Variants in ROBO2 observed in about 807,000 individuals in gnomAD.
The protein encoded by ROBO2 is roundabout homolog 2.
In ROBO2, 53 loss-of-function variants were observed where a neutral mutation model predicts 160.8. The observed-to-expected ratio is 0.33, with a 90% confidence interval of 0.26 to 0.41. ROBO2 has a LOEUF of 0.41. Among genes scored for constraint, ROBO2 ranks in the 10% least tolerant of loss-of-function variants. ROBO2 has a pLI of 1.00. For missense variants in ROBO2, 1,577 were observed against 1,722.4 expected (o/e 0.92, Z 1.49); for synonymous variants, 664 against 611.7 (o/e 1.09, Z -1.26).
chr3:76,860,318 C>CA lies in ROBO2; in HGVS notation c.110-237690dup, dbSNP rs550350439. Among the ~76,000 whole-genome samples the CA allele has an allele frequency of 1.8e-4, 27 of 152,128 alleles. No homozygotes were observed. The East Asian group carries it at 3.7e-3, about 21-fold the overall frequency. Reference sequence around the variant, plus strand: ...GCCTTCTAATTTCAAATTTTCACCACAAAAAATGTTTTCGTAGGGCATTTT... The same window carrying CA: ...GCCTTCTAATTTCAAATTTTCACCACAAAAAAATGTTTTCGTAGGGCATTTT... On this transcript the variant is annotated intron_variant, in intron 2 of 26. Transcript: ENST00000487694.
intron 2 of ROBO2, among the ~76,000 whole-genome samples, chr3:76,184,948 G>A (rs4856012): frequency 0.022 from 3,272 of 151,656 alleles, 208 homozygotes; most frequent in East Asian, 0.2. Context: ...TTCCCACATC[G>A]ATGGTGGCTC....
At chr3:77,645,054 C>G in intron 25 of ROBO2, 150 bp downstream of exon 27, 1 of 757,486 alleles carries the variant, frequency 1.3e-6, no homozygotes. Flanking sequence ...TTGGTCATAA[C>G]TTAGGCCATT....
intron 2 of ROBO2, among the ~76,000 whole-genome samples, chr3:76,716,335 C>T (rs948818638): frequency 6.6e-6 from 1 of 152,108 alleles, no homozygotes; most frequent in East Asian, 1.9e-4. Flanking sequence ...TTGAGCTTAA[C>T]CCCCCAAAAG....
At chr3:76,124,080 A>C (rs1484463315) in intron 2 of ROBO2, among the ~76,000 whole-genome samples, 2 of 149,810 alleles carry the variant, frequency 1.3e-5, no homozygotes, top group Non-Finnish European at 3.0e-5. Flanking sequence ...TTAAAAAAAC[A>C]CTAGTATTGA....
intron 1 of ROBO2, among the ~76,000 whole-genome samples, chr3:77,052,322 G>T (rs987671510): frequency 1.3e-5 from 2 of 152,122 alleles, no homozygotes; most frequent in African/African-American, 4.8e-5. Context: ...AGCCTGAGGG[G>T]ATGAGGGTTG....
chr3:76,401,667 T>C (rs988610864), intron 2 of ROBO2, among the ~76,000 whole-genome samples: 2 of 151,432 alleles, frequency 1.3e-5, no homozygotes, highest in Non-Finnish European at 3.0e-5. Context: ...ACAATAAATT[T>C]ATGGTACAGA....
intron 2 of ROBO2, among the ~76,000 whole-genome samples, chr3:76,327,797 T>C (rs1329657317): frequency 6.6e-6 from 1 of 152,192 alleles, no homozygotes; most frequent in East Asian, 1.9e-4. Context: ...AGTCTGGATG[T>C]CATGCTTTTT....
intron 2 of ROBO2, among the ~76,000 whole-genome samples, chr3:76,296,461 C>T (rs1709080358): frequency 6.6e-6 from 1 of 152,008 alleles, no homozygotes; most frequent in Non-Finnish European, 1.5e-5. Flanking sequence ...GAGAATCCTA[C>T]CTATCACCAG....
At chr3:77,074,585 G>C (rs2067755643) in intron 1 of ROBO2, among the ~76,000 whole-genome samples, 1 of 152,118 alleles carries the variant, frequency 6.6e-6, no homozygotes, top group Non-Finnish European at 1.5e-5. Context: ...GTTCAATTTA[G>C]AAAAAGTTAT....
At chr3:76,283,152 A>ATATAT (rs1198566368) in intron 2 of ROBO2, among the ~76,000 whole-genome samples, 2 of 130,970 alleles carry the variant, frequency 1.5e-5, no homozygotes, top group African/African-American at 2.7e-5. Flanking sequence ...ATATATATAT[A>ATATAT]AAACTACATA....
At position 77,606,340 on chromosome 3, in the gene ROBO2, T is replaced by C. The variant is rs75753214; in HGVS notation, c.3137-1458T>C. 4.6e-4 allele frequency among the ~76,000 whole-genome samples: 70 copies of C among 152,296 alleles called. No individual in the cohort carries two copies. The South Asian group carries it at 7.0e-3, about 15-fold the overall frequency. ...AAAAAGTAGTAACTTTATATCTGTT[T>C]TACATGTGCAAAAATGTAGGCAGTA... On this transcript the variant is annotated intron_variant, in intron 20 of 25. Coordinates refer to ENST00000461745, the Ensembl canonical transcript of ROBO2.
chr3:76,458,516 C>T, intron 2 of ROBO2, among the ~76,000 whole-genome samples: 1 of 152,116 alleles, frequency 6.6e-6, no homozygotes, highest in East Asian at 1.9e-4. Flanking sequence ...TCTTCTTAGC[C>T]CTGCAAACTG....
chr3:76,460,205 C>T (rs1217733803), intron 2 of ROBO2, among the ~76,000 whole-genome samples: 1 of 151,364 alleles, frequency 6.6e-6, no homozygotes, highest in African/African-American at 2.4e-5. Context: ...TAATTTACCC[C>T]AAGATTTAAC....
rs78057971 is a variant in ROBO2, at chr3:77,576,465, T to C, written c.2204-1025T>C. On this transcript the variant is annotated intron_variant, in intron 14 of 25. Coordinates refer to ENST00000461745, the Ensembl canonical transcript of ROBO2. ...CACCAAATTATTTGATATTTTAAAC[T>C]GTTAAGAACGATGTTATGTAATACT... 2.0e-5 allele frequency among the ~76,000 whole-genome samples: 3 copies of C among 152,176 alleles called. No individual in the cohort carries two copies. In the East Asian group the frequency reaches 5.8e-4, roughly 29 times the overall value.
intron 2 of ROBO2, among the ~76,000 whole-genome samples, chr3:76,366,992 T>A (rs1468188390): frequency 6.6e-6 from 1 of 151,998 alleles, no homozygotes. Flanking sequence ...GCCAAATTAG[T>A]GTGCACTCAA....
chr3:76,381,148 A>G (rs1034197419), intron 2 of ROBO2, among the ~76,000 whole-genome samples: 6 of 152,140 alleles, frequency 3.9e-5, no homozygotes, highest in African/African-American at 1.2e-4. Context: ...GCTTGAACCA[A>G]AAGTGCTCTC....
At chr3:77,210,938 A>T (rs186655268) in intron 2 of ROBO2, among the ~76,000 whole-genome samples, 1 of 152,266 alleles carries the variant, frequency 6.6e-6, no homozygotes, top group Non-Finnish European at 1.5e-5. Context: ...TTATGGCTGC[A>T]TAGTATTCCA....
intron 2 of ROBO2, among the ~76,000 whole-genome samples, chr3:76,686,219 G>T (rs2092682711): frequency 6.6e-6 from 1 of 151,944 alleles, no homozygotes; most frequent in South Asian, 2.1e-4. Flanking sequence ...AAGGAGTTAG[G>T]TGCTTACAAT....
rs149985030 is a variant in ROBO2 at position 76,933,597 on chromosome 3, G to C, written c.110-164417G>C. Among the ~76,000 whole-genome samples the C allele has an allele frequency of 2.0e-4, 31 of 152,228 alleles. 1 individual carries two copies. The highest frequency in any genetic ancestry group is 7.5e-4 in the African/African-American group (31 of 41,544). On this transcript the variant is annotated intron_variant, in intron 2 of 26. Transcript: ENST00000487694. The stretch of plus-strand genomic sequence containing the variant: ...GCCTAATTTTCATTAAATTTCAGAA[G>C]TCTGCGTTGTAGCTATGATTTCACA...
Sources: gnomAD v4.1 joint callset for allele counts (sites outside exome capture counted in the v4.1 genomes callset) on GRCh38, gnomAD v4.1.1 for gene constraint, MANE v1.5 for transcripts, NCBI Gene and HGNC (gene_info 2026-07-23, HGNC 2026-07-21) for gene names.